Variants in RASGRP3 observed in about 807,000 individuals in gnomAD.
The protein encoded by RASGRP3 is RAS guanyl releasing protein 3, also known as ras guanyl-releasing protein 3.
A neutral mutation model predicts 82.7 loss-of-function variants in RASGRP3; 54 were observed. The ratio of observed to expected loss-of-function variants is 0.65; its 90% CI spans 0.52 to 0.82. The LOEUF is 0.82. Among genes scored for constraint, RASGRP3 ranks in the 40% least tolerant of loss-of-function variants. The pLI is 0.00. For synonymous variants in RASGRP3, 309 were observed against 300.5 expected, an observed-to-expected ratio of 1.03 and a Z score of -0.29; for missense variants, 861 against 828.9, an observed-to-expected ratio of 1.04 and a Z score of -0.48.
At chr2:33,543,363 A>G in intron 12 of RASGRP3, 149 bp from the exon 13 acceptor site, 1 of 572,316 alleles carries the variant, frequency 1.7e-6, no homozygotes, top group Non-Finnish European at 3.1e-6. Flanking sequence ...GTCTTGTTAT[A>G]TTATAAAGGC....
chr2:33,477,393 C>T (rs1305229876), intron 1 of RASGRP3, among the ~76,000 whole-genome samples: 1 of 152,210 alleles, frequency 6.6e-6, no homozygotes, highest in East Asian at 1.9e-4. Flanking sequence ...TGTTCAGTTG[C>T]CCCTGGTCTT....
At chr2:33,440,281 T>A (rs61296148) in intron 1 of RASGRP3, among the ~76,000 whole-genome samples, 1 of 152,240 alleles carries the variant, frequency 6.6e-6, no homozygotes, top group Admixed American at 6.5e-5. Flanking sequence ...TTATCTCCAT[T>A]ATCTCCTTCT....
intron 10 of RASGRP3, chr2:33,533,087 C>G (rs1673259781): frequency 6.6e-6 from 1 of 152,130 alleles, no homozygotes; most frequent in African/African-American, 2.4e-5. Context: ...AAGAAGGGAG[C>G]CCGCACTGGT....
At chr2:33,444,529 G>A (rs941468205) in intron 1 of RASGRP3, among the ~76,000 whole-genome samples, 2 of 152,158 alleles carry the variant, frequency 1.3e-5, no homozygotes, top group African/African-American at 4.8e-5. Context: ...ATAAGACAGT[G>A]CAAATCTAAA....
In RASGRP3 at chr2:33,558,752, G is replaced by A. The variant is rs75531739; in HGVS notation, c.1786G>A (p.Gly596Ser). 1 of 1,613,846 alleles carries A rather than the reference G, an allele frequency of 6.2e-7. No homozygotes were observed. The highest frequency in any genetic ancestry group is 8.5e-7 in the Non-Finnish European group (1 of 1,179,910). The change falls in exon 17 of 18, where the codon GGC becomes AGC. Residue 596 changes from glycine (G) to serine (S), a missense_variant. Physicochemically the swap from Gly to Ser is moderately conservative, Grantham distance 56. Coordinates refer to ENST00000403687, the MANE Select transcript of RASGRP3 (RefSeq NM_001139488.2). ...LDSRAITLVT[G>S]SSRKISVRLQ... The stretch of plus-strand genomic sequence containing the variant: ...CAGCAGAGCCATCACACTGGTTACA[G>A]GCTCTTCTCGCAAGATCTCTGTGAG...
chr2:33,527,014 C>A, intron 9 of RASGRP3, 123 bp from the exon 10 acceptor site: 1 of 1,012,416 alleles, frequency 9.9e-7, no homozygotes, highest in Non-Finnish European at 1.4e-6. Context: ...TTCCCTGCAG[C>A]AACATTGGTG....
In RASGRP3 at chr2:33,515,660, A is replaced by G. The variant is rs562967175; in HGVS notation, c.70+454A>G. Among the ~76,000 whole-genome samples the G allele has an allele frequency of 2.6e-5, 4 of 152,318 alleles. No homozygotes were observed. In the South Asian group the frequency reaches 8.3e-4, roughly 32 times the overall value. ...TTGACTCAGTCTTTTGACTCAGACGAATGTGAGTAGCACAATTGACTACAT... is the reference window on the plus strand; with the variant it reads ...TTGACTCAGTCTTTTGACTCAGACGGATGTGAGTAGCACAATTGACTACAT... On this transcript the variant is annotated intron_variant, in intron 3 of 17. Coordinates refer to ENST00000403687, the MANE Select transcript of RASGRP3 (RefSeq NM_001139488.2).
At chr2:33,462,468 C>T (rs1182364581) in intron 2 of RASGRP3, among the ~76,000 whole-genome samples, 2 of 151,418 alleles carry the variant, frequency 1.3e-5, no homozygotes, top group African/African-American at 4.8e-5. Context: ...ACCTACACCT[C>T]CCGGGTTCAA....
rs190066056 is a variant in RASGRP3, at chr2:33,542,666, C to T, written c.1279-846C>T. ...TAATCCACCTCCTCTTTCCCCCCCC[C>T]ACCAATATCACTCTATTTTATTTAT... On this transcript the variant is annotated intron_variant, in intron 12 of 17. Coordinates refer to ENST00000403687, the MANE Select transcript of RASGRP3 (RefSeq NM_001139488.2). 1.4e-5 allele frequency among the ~76,000 whole-genome samples: 2 copies of T among 146,180 alleles called. 1 individual carries two copies. Among genetic ancestry groups the T allele is most frequent in the Non-Finnish European group, 3.1e-5 (2 of 65,360 alleles).
At position 33,449,056 on chromosome 2, in the gene RASGRP3, C is replaced by A. The variant is rs575248046; in HGVS notation, c.-261+1113C>A. ...GATTAGACATGTTTTTCAAATTATG[C>A]ATACCAGGTATAACATGATTACTCT... On this transcript the variant is annotated intron_variant, in intron 2 of 18. Transcript: ENST00000402538. Among the ~76,000 whole-genome samples the A allele has an allele frequency of 1.4e-4, 22 of 152,252 alleles. No individual in the cohort carries two copies. In the South Asian group the frequency reaches 4.6e-3, roughly 32 times the overall value.
chr2:33,460,808 C>T (rs1300090380), intron 2 of RASGRP3, among the ~76,000 whole-genome samples: 1 of 152,146 alleles, frequency 6.6e-6, no homozygotes, highest in Non-Finnish European at 1.5e-5. Flanking sequence ...AGCCACCGCA[C>T]CCAGCCAGAT....
intron 14 of RASGRP3, among the ~76,000 whole-genome samples, chr2:33,552,524 A>G (rs954379771): frequency 1.3e-5 from 2 of 152,124 alleles, no homozygotes; most frequent in Non-Finnish European, 2.9e-5. Flanking sequence ...TTTGATCTTT[A>G]CTGACACTCA....
intron 4 of RASGRP3, among the ~76,000 whole-genome samples, chr2:33,519,602 A>G (rs559835114): frequency 4.6e-5 from 7 of 152,186 alleles, no homozygotes; most frequent in Non-Finnish European, 7.3e-5. Context: ...GCGAGACTCC[A>G]TCTCAAAACA....
chr2:33,502,671 C>A lies in RASGRP3; in HGVS notation c.-260-9039C>A, dbSNP rs189678053. ...GAGACTACAGGCACGCACCACCACA[C>A]CCAGCTAATTTTTTTGTATTTTTAT... On this transcript the variant is annotated intron_variant, in intron 1 of 17. Coordinates refer to ENST00000403687, the MANE Select transcript of RASGRP3 (RefSeq NM_001139488.2). Among the ~76,000 whole-genome samples the A allele has an allele frequency of 4.9e-4, 75 of 151,988 alleles. 1 individual carries two copies. The highest frequency in any genetic ancestry group is 3.9e-3 in the East Asian group (20 of 5,170).
chr2:33,492,867 A>G (rs1317006714), intron 1 of RASGRP3, among the ~76,000 whole-genome samples: 1 of 152,050 alleles, frequency 6.6e-6, no homozygotes, highest in Non-Finnish European at 1.5e-5. Flanking sequence ...TGGGGAGGGG[A>G]ACATTCTAGT....
chr2:33,558,885 T>C lies in RASGRP3; in HGVS notation c.1919T>C (p.Phe640Ser), dbSNP rs776584170. ...ACCTTCCCTAAAATGAAATCCAAGTTCCATGACAAAGCAGCAAAGGACAAA... is the reference window on the plus strand; with the variant it reads ...ACCTTCCCTAAAATGAAATCCAAGTCCCATGACAAAGCAGCAAAGGACAAA... ...SHTFPKMKSK[F>S]HDKAAKDKGF... Residue 640 changes from phenylalanine (F) to serine (S), a missense_variant, in exon 17 of 18, where the codon TTC (phenylalanine) becomes TCC (serine). Phe to Ser is a radical substitution (Grantham distance 155). Transcript: ENST00000403687. 2 of 1,613,826 alleles carry C rather than the reference T, an allele frequency of 1.2e-6. No individual in the cohort carries two copies. The highest frequency in any genetic ancestry group is 1.3e-5 in the African/African-American group (1 of 74,896).
Position 33,558,902 on chromosome 2 carries a change from A to G in RASGRP3, c.1936A>G (p.Lys646Glu), listed in dbSNP as rs371403036. 1.5e-5 allele frequency: 24 copies of G among 1,613,920 alleles called. No individual in the cohort carries two copies. The highest frequency in any genetic ancestry group is 1.9e-5 in the Non-Finnish European group (23 of 1,179,908). Reference sequence around the variant, plus strand: ...ATCCAAGTTCCATGACAAAGCAGCAAAGGACAAAGGCTTTGCCAAATGGGA... The same window carrying G: ...ATCCAAGTTCCATGACAAAGCAGCAGAGGACAAAGGCTTTGCCAAATGGGA... ...MKSKFHDKAA[K>E]DKGFAKWENE... The change falls in exon 17 of 18, where the codon AAG becomes GAG. Residue 646 changes from lysine (K) to glutamate (E), a missense_variant. Physicochemically the swap from Lys to Glu is moderately conservative, Grantham distance 56. Transcript: ENST00000403687.
At chr2:33,466,390 C>T (rs573276822) in intron 2 of RASGRP3, among the ~76,000 whole-genome samples, 235 of 152,100 alleles carry the variant, frequency 1.5e-3, no homozygotes, top group African/African-American at 5.3e-3. Context: ...AAGATTTCAG[C>T]GGAGGGGGCT....
At position 33,476,713 on chromosome 2, in the gene RASGRP3, T is replaced by C. The variant is rs1667400995; in HGVS notation, c.-261+6T>C. ...ACCACGACAAAACCACCCTAGTAAG[T>C]AACTGGAGAACTTTCCTCTCTCTCT... On this transcript the variant is annotated splice_donor_region_variant and intron_variant, in intron 1 of 17. Coordinates refer to ENST00000403687, the MANE Select transcript of RASGRP3 (RefSeq NM_001139488.2). The C allele has an allele frequency of 6.6e-6, 1 of 150,514 alleles. No homozygotes were observed. The highest frequency in any genetic ancestry group is 1.5e-5 in the Non-Finnish European group (1 of 68,096). The allele number at this position is 150,514 out of a possible 1,614,324, so 9.3% of individuals were successfully genotyped here.
Sources: gnomAD v4.1 joint callset for allele counts (sites outside exome capture counted in the v4.1 genomes callset) on GRCh38, gnomAD v4.1.1 for gene constraint, MANE v1.5 for transcripts, NCBI Gene and HGNC (gene_info 2026-07-23, HGNC 2026-07-21) for gene names.